STAU1: variants seen among roughly 807,000 people sequenced by gnomAD.
STAU1 encodes the protein staufen double-stranded RNA binding protein 1, also known as double-stranded RNA-binding protein Staufen homolog 1.
In STAU1, 13 loss-of-function variants were observed where a neutral mutation model predicts 62.9. The observed-to-expected ratio is 0.21, with a 90% confidence interval of 0.13 to 0.33. The LOEUF (loss-of-function observed/expected upper bound fraction) is 0.33, where lower values mean the gene tolerates loss of function less well. STAU1 is among the 10% of genes least tolerant of loss of function. The pLI is 1.00. For synonymous variants in STAU1, 269 were observed against 265.1 expected (o/e 1.01, Z -0.14); for missense variants, 571 against 712.1 (o/e 0.80, Z 2.25).
At position 49,170,476 on chromosome 20, in the gene STAU1, G is replaced by A. The variant is rs1052851428; in HGVS notation, c.-85+3719C>T. Among the ~76,000 whole-genome samples, 22 of 152,010 alleles carry A rather than the reference G, an allele frequency of 1.4e-4. 1 individual carries two copies. Among genetic ancestry groups the A allele is most frequent in the Non-Finnish European group, 2.1e-4 (14 of 68,020 alleles). ...AGTGATTCTCCTGTGTCAGCCTCCCGAGTAGCGGGAACTACAGGTGTGTAC... is the reference window on the plus strand; with the variant it reads ...AGTGATTCTCCTGTGTCAGCCTCCCAAGTAGCGGGAACTACAGGTGTGTAC... On this transcript the variant is annotated intron_variant, in intron 2 of 13. Coordinates refer to ENST00000371856, the MANE Select transcript of STAU1 (RefSeq NM_017453.4).
In STAU1 at chr20:49,153,985, G is replaced by C; in HGVS notation, c.292C>G (p.Arg98Gly). The C allele has an allele frequency of 1.9e-6, 3 of 1,612,956 alleles. No homozygotes were observed. The highest frequency in any genetic ancestry group is 1.7e-6 in the Non-Finnish European group (2 of 1,179,818). Residue 98 changes from arginine to glycine, a missense_variant, in exon 4 of 14, where the codon CGG (arginine) becomes GGG (glycine). Arg to Gly is a moderately radical substitution (Grantham distance 125). Around this residue, in one of 3 missense-constraint regions of STAU1, gnomAD observed 414 missense variants for 499.6 expected, o/e 0.83. Transcript: ENST00000371856. The part of the protein sequence containing the change: ...PMYKPVDPYS[R>G]MQSTYNYNMR... ...TTGTAGTTATAGGTGGACTGCATCC[G>C]AGAGTAAGGGTCAACAGGCTTATAC...
intron 5 of STAU1, among the ~76,000 whole-genome samples, chr20:49,150,533 T>C (rs1365203780): frequency 6.6e-6 from 1 of 152,084 alleles, no homozygotes; most frequent in African/African-American, 2.4e-5. Flanking sequence ...GGCGAATTTT[T>C]TGTATTTTTA....
intron 5 of STAU1, among the ~76,000 whole-genome samples, chr20:49,136,572 TC>T (rs2146045598): frequency 6.6e-6 from 1 of 152,322 alleles, no homozygotes; most frequent in East Asian, 1.9e-4. Flanking sequence ...CAAAAGTCCT[TC>T]TCAAGTAGTG....
intron 8 of STAU1, among the ~76,000 whole-genome samples, chr20:49,121,047 G>C (rs1006956842): frequency 6.6e-6 from 1 of 152,000 alleles, no homozygotes; most frequent in African/African-American, 2.4e-5. Flanking sequence ...CGTCATGCTG[G>C]GATTACAGGC....
intron 6 of STAU1, among the ~76,000 whole-genome samples, chr20:49,126,815 CTT>C (rs1463817849): frequency 6.6e-6 from 1 of 151,528 alleles, no homozygotes; most frequent in Non-Finnish European, 1.5e-5. Context: ...TTAAAAATCT[CTT>C]AAAAAAATAG....
intron 4 of STAU1, among the ~76,000 whole-genome samples, chr20:49,153,573 T>G: frequency 6.7e-6 from 1 of 149,256 alleles, no homozygotes; most frequent in Non-Finnish European, 1.5e-5. Context: ...CAGCCAGGCG[T>G]GGTGGCAGGT....
intron 1 of STAU1, among the ~76,000 whole-genome samples, chr20:49,178,424 G>T (rs1267309119): frequency 1.3e-5 from 2 of 151,500 alleles, no homozygotes; most frequent in African/African-American, 4.9e-5. Flanking sequence ...GGCTAGGCTG[G>T]CCAACATGGT....
rs2092872300 is a variant in STAU1 at position 49,135,904 on chromosome 20, TTTC to T, written c.535_537del (p.Glu179del). On this transcript the variant is annotated inframe_deletion, in exon 6 of 14. Coordinates refer to ENST00000371856, the MANE Select transcript of STAU1 (RefSeq NM_017453.4). ...TGACTTATTTCAGATTTATTGAGAT[TTTC>T]TTCTTCGGATTCTCTTCCATTCACC... 2 of 1,613,892 alleles carry T rather than the reference TTTC, an allele frequency of 1.2e-6. No homozygotes were observed. Among genetic ancestry groups the T allele is most frequent in the South Asian group, 2.2e-5 (2 of 90,980 alleles).
chr20:49,165,741 A>G (rs1013341638), intron 3 of STAU1, among the ~76,000 whole-genome samples: 4 of 152,212 alleles, frequency 2.6e-5, no homozygotes, highest in Non-Finnish European at 4.4e-5. Flanking sequence ...TCTTTAACAG[A>G]TGAGGCTTTA....
intron 2 of STAU1, among the ~76,000 whole-genome samples, chr20:49,167,515 A>G (rs1461705994): frequency 6.6e-6 from 1 of 152,186 alleles, no homozygotes; most frequent in Non-Finnish European, 1.5e-5. Flanking sequence ...CAGAGGCATA[A>G]GTATTACCTT....
the STAU1 span, among the ~76,000 whole-genome samples, chr20:49,214,482 C>T: frequency 1.4e-5 from 2 of 141,424 alleles, no homozygotes; most frequent in African/African-American, 5.2e-5. Context: ...TGTGCCATTG[C>T]ATTACAGCCT....
chr20:49,138,238 C>T (rs1471694830), intron 5 of STAU1, among the ~76,000 whole-genome samples: 3 of 151,988 alleles, frequency 2.0e-5, no homozygotes, highest in African/African-American at 4.8e-5. Flanking sequence ...GCTATGATCA[C>T]GCCACTGCAT....
chr20:49,151,698 A>C lies in STAU1; in HGVS notation c.394T>G (p.Ser132Ala), dbSNP rs1354979131. Residue 132 changes from serine (S) to alanine (A), a missense_variant, in exon 5 of 14, where the codon TCT (serine) becomes GCT (alanine). This residue lies in a region of STAU1 where 414 missense variants were observed against 499.6 expected (regional missense o/e 0.83). Coordinates refer to ENST00000371856, the MANE Select transcript of STAU1 (RefSeq NM_017453.4). ...VPPLLYQVELSVGGQQFNGKG... is the reference protein window; with the variant it reads ...VPPLLYQVELAVGGQQFNGKG... ...CCATTAAATTGCTGTCCTCCCACAG[A>C]AAGTTCCACTTGATAAAGTAAAGGT... is the stretch of plus-strand genomic sequence containing the variant. The C allele has an allele frequency of 1.2e-6, 2 of 1,611,522 alleles. No homozygotes were observed. The highest frequency in any genetic ancestry group is 2.2e-5 in the South Asian group (2 of 90,448).
intron 3 of STAU1, among the ~76,000 whole-genome samples, chr20:49,163,153 C>T (rs529695801): frequency 2.2e-4 from 33 of 151,638 alleles, no homozygotes; most frequent in African/African-American, 7.3e-4. Context: ...GATTGTGCCA[C>T]TGCACTCTAG....
At chr20:49,144,689 T>C (rs1259798198) in intron 5 of STAU1, among the ~76,000 whole-genome samples, 2 of 152,194 alleles carry the variant, frequency 1.3e-5, no homozygotes, top group Admixed American at 1.3e-4. Context: ...CAAAAGATGG[T>C]GTCTCTAGTC....
At chr20:49,180,715 C>T (rs1004021887) in intron 1 of STAU1, among the ~76,000 whole-genome samples, 1 of 152,202 alleles carries the variant, frequency 6.6e-6, no homozygotes, top group African/African-American at 2.4e-5. Context: ...TCCCCACACA[C>T]AAACCTGTGG....
chr20:49,204,641 T>TAC, the STAU1 span, among the ~76,000 whole-genome samples: 1 of 57,702 alleles, frequency 1.7e-5, no homozygotes, highest in Admixed American at 3.0e-4. Flanking sequence ...TATATATATA[T>TAC]ATATATTTTT....
the STAU1 span, among the ~76,000 whole-genome samples, chr20:49,213,803 G>T: frequency 5.3e-5 from 8 of 152,188 alleles, no homozygotes; most frequent in South Asian, 4.1e-4. Flanking sequence ...AAAAGGTGAG[G>T]TATAAGCAAT....
In STAU1 at chr20:49,184,630, G is replaced by A. The variant is rs541105273; in HGVS notation, c.-160+3486C>T. ...CTTTCTGGCTGAAACCTAAAAGAGA[G>A]CAACTTATTCTCAAGAAACTATATT... is the stretch of plus-strand genomic sequence containing the variant. On this transcript the variant is annotated intron_variant, in intron 1 of 13. Transcript: ENST00000371856. Among the ~76,000 whole-genome samples the A allele has an allele frequency of 5.9e-5, 9 of 152,214 alleles. No homozygotes were observed. The South Asian group carries it at 1.7e-3, about 28-fold the overall frequency.
Sources: allele counts gnomAD v4.1 joint callset (sites outside exome capture counted in the v4.1 genomes callset), GRCh38; gene constraint gnomAD v4.1.1; regional missense constraint gnomAD v4.1.1; transcripts MANE v1.5; gene names NCBI Gene and HGNC (gene_info 2026-07-23, HGNC 2026-07-21).